TARS1: variants seen among roughly 807,000 people sequenced by gnomAD.
The protein encoded by TARS1 is threonyl-tRNA synthetase 1, also known as threonine--tRNA ligase 1, cytoplasmic.
In TARS1, 57 loss-of-function variants were observed where a neutral mutation model predicts 97.7. That is an observed-to-expected ratio of 0.58 (90% CI 0.47 to 0.73). The LOEUF is 0.73. TARS1 is among the 30% of genes least tolerant of loss of function. The pLI is 0.00. For missense variants in TARS1, 806 were observed against 888.3 expected (o/e 0.91, Z 1.18); for synonymous variants, 312 against 293.7 (o/e 1.06, Z -0.64).
chr5:33,440,961 T>A, upstream of TARS1: 7 of 1,208,120 alleles, frequency 5.8e-6, no homozygotes, highest in Non-Finnish European at 8.2e-6. Flanking sequence ...TTAGGGCGCC[T>A]TTCGATTGCA....
At position 33,459,811 on chromosome 5, in the gene TARS1, G is replaced by A; in HGVS notation, c.1200G>A (p.Glu400=). ...QHYSENMFSF[E]VEKELFALKP... ...ACAGCGAGAACATGTTCTCCTTTGA[G>A]GTGGAGAAGGAGCTGTTTGCCCTGA... is the stretch of plus-strand genomic sequence containing the variant. Residue 400 remains glutamate, a synonymous_variant, in exon 11 of 19, where the codon GAG becomes GAA. Transcript: ENST00000265112. 1 of 1,614,170 alleles carries A rather than the reference G, an allele frequency of 6.2e-7. No individual in the cohort carries two copies.
chr5:33,460,486 G>T (rs1742237543), intron 11 of TARS1, among the ~76,000 whole-genome samples: 1 of 152,226 alleles, frequency 6.6e-6, no homozygotes, highest in Non-Finnish European at 1.5e-5. Context: ...ATCTTTGAAA[G>T]TTGGGTGAAG....
chr5:33,447,910 G>A (rs190740192), intron 2 of TARS1, among the ~76,000 whole-genome samples: 1 of 152,274 alleles, frequency 6.6e-6, no homozygotes, highest in Non-Finnish European at 1.5e-5. Context: ...CTCTCTGATT[G>A]CTGTCTCTTT....
At chr5:33,462,245 T>C in intron 16 of TARS1, 42 bp downstream of exon 16, 4 of 1,539,008 alleles carry the variant, frequency 2.6e-6, no homozygotes, top group Non-Finnish European at 2.7e-6. Flanking sequence ...TAGTATAAAT[T>C]GGCTACAAGA....
Position 33,455,567 on chromosome 5 carries a change from T to C in TARS1, c.576-20T>C. The C allele has an allele frequency of 6.7e-7, 1 of 1,499,882 alleles. No individual in the cohort carries two copies. The highest frequency in any genetic ancestry group is 1.4e-5 in the African/African-American group (1 of 71,636). The allele number at this position is 1,499,882 out of a possible 1,614,324, so 92.9% of individuals were successfully genotyped here. On this transcript the variant is annotated intron_variant, in intron 5 of 18. Transcript: ENST00000265112. Reference sequence around the variant, plus strand: ...TGTGATTCGAATGGAATGAAAAGATTATACTTTCTTCTCCTTCAGGGGTGT... The same window carrying C: ...TGTGATTCGAATGGAATGAAAAGATCATACTTTCTTCTCCTTCAGGGGTGT...
At chr5:33,464,930 G>C (rs1262102104) in intron 17 of TARS1, among the ~76,000 whole-genome samples, 2 of 152,254 alleles carry the variant, frequency 1.3e-5, no homozygotes, top group East Asian at 1.9e-4. Flanking sequence ...GCTGGGCGCA[G>C]TGGCGGGCAC....
In TARS1 at chr5:33,459,622, C is replaced by G. The variant is rs878998862; in HGVS notation, c.1084-73C>G. 1.3e-6 allele frequency: 2 copies of G among 1,546,984 alleles called. 1 individual carries two copies. ...TTTCATGAGAGAGTATAAAATCACT[C>G]TTTAAGTTTTTACTCCCACTTGAAG... On this transcript the variant is annotated intron_variant, in intron 10 of 18. Coordinates refer to ENST00000265112, the MANE Select transcript of TARS1 (RefSeq NM_152295.5).
intron 17 of TARS1, among the ~76,000 whole-genome samples, chr5:33,466,391 T>TA (rs1030487562): frequency 1.5e-4 from 22 of 149,146 alleles, no homozygotes; most frequent in Non-Finnish European, 1.9e-4. Flanking sequence ...ATAACCTGAT[T>TA]AAAAAAAAAA....
chr5:33,458,510 A>C (rs1214622481), intron 9 of TARS1, 56 bp from the exon 10 acceptor site: 10 of 1,461,868 alleles, frequency 6.8e-6, no homozygotes, highest in Middle Eastern at 1.8e-4. Flanking sequence ...TTATGTATAT[A>C]TACACACACG....
intron 12 of TARS1, 45 bp from the exon 13 acceptor site, chr5:33,461,113 C>T (rs763927611): frequency 6.2e-7 from 1 of 1,605,416 alleles, no homozygotes; most frequent in South Asian, 1.1e-5. Context: ...TCAAGAAAGT[C>T]AAGGAAAATA....
At chr5:33,444,236 G>A (rs994982203) in intron 1 of TARS1, among the ~76,000 whole-genome samples, 2 of 152,206 alleles carry the variant, frequency 1.3e-5, no homozygotes, top group African/African-American at 2.4e-5. Context: ...TAGGTTAATG[G>A]TTGCCAGGGT....
At chr5:33,441,215 G>A (rs1270941746) in intron 1 of TARS1, 72 bp downstream of exon 1, 1 of 1,588,918 alleles carries the variant, frequency 6.3e-7, no homozygotes, top group East Asian at 2.2e-5. Flanking sequence ...CTCGCGGCGG[G>A]AGCGGGGGGC....
Position 33,461,061 on chromosome 5 carries a change from G to A in TARS1, c.1410G>A (p.Glu470=). 1 of 1,614,078 alleles carries A rather than the reference G, an allele frequency of 6.2e-7. No individual in the cohort carries two copies. The highest frequency in any genetic ancestry group is 8.5e-7 in the Non-Finnish European group (1 of 1,179,996). ...QDDAHIFCAM[E]QIEDEIKGCL... ...ATGCTCACATATTCTGTGCCATGGA[G>A]CAGGTATGAGACCCTGGGAATAAAA... is the stretch of plus-strand genomic sequence containing the variant. The change falls in exon 12 of 19, where the codon GAG becomes GAA. Residue 470 remains glutamate, a synonymous_variant. Transcript: ENST00000265112.
intron 16 of TARS1, 48 bp downstream of exon 16, chr5:33,462,251 C>A: frequency 6.7e-7 from 1 of 1,496,552 alleles, no homozygotes. Context: ...AAATTGGCTA[C>A]AAGAAATGTC....
chr5:33,444,629 A>G (rs1293108538), intron 1 of TARS1, among the ~76,000 whole-genome samples: 1 of 152,218 alleles, frequency 6.6e-6, no homozygotes, highest in Admixed American at 6.5e-5. Flanking sequence ...ATCCTTCATT[A>G]ATCAGCCTGG....
intron 13 of TARS1, 104 bp downstream of exon 13, chr5:33,461,399 T>C (rs1484175796): frequency 1.4e-6 from 2 of 1,449,202 alleles, no homozygotes; most frequent in Non-Finnish European, 1.9e-6. Context: ...CAAAATGAAA[T>C]TGGAAATGGT....
At chr5:33,445,861 T>G (rs1370228962) in intron 2 of TARS1, among the ~76,000 whole-genome samples, 1 of 152,166 alleles carries the variant, frequency 6.6e-6, no homozygotes, top group African/African-American at 2.4e-5. Flanking sequence ...AGGGTTGGCT[T>G]CTAAGCCAGG....
At chr5:33,451,563 C>T (rs1468929265) in intron 3 of TARS1, among the ~76,000 whole-genome samples, 3 of 151,854 alleles carry the variant, frequency 2.0e-5, no homozygotes, top group South Asian at 2.1e-4. Context: ...TTAGTAGAGA[C>T]GGGGTTTCAC....
intron 5 of TARS1, 116 bp from the exon 6 acceptor site, chr5:33,455,471 A>G (rs537872829): frequency 1.6e-6 from 1 of 612,370 alleles, no homozygotes; most frequent in African/African-American, 1.9e-5. Context: ...GCAATAGTCT[A>G]ATTTTTTAAT....
Sources: gnomAD v4.1 joint callset for allele counts (sites outside exome capture counted in the v4.1 genomes callset) on GRCh38, gnomAD v4.1.1 for gene constraint, MANE v1.5 for transcripts, NCBI Gene and HGNC (gene_info 2026-07-23, HGNC 2026-07-21) for gene names.